The following STARD13 variants were observed in gnomAD, a reference collection of about 807,000 sequenced individuals.
The protein encoded by STARD13 is StAR related lipid transfer domain containing 13.
In STARD13, 62 loss-of-function variants were observed where a neutral mutation model predicts 106.4. The observed-to-expected ratio is 0.58, with a 90% confidence interval of 0.48 to 0.72. The LOEUF (loss-of-function observed/expected upper bound fraction) is 0.72. Ranked by LOEUF, STARD13 falls within the 30% of genes least tolerant of loss-of-function variation. The pLI, the probability that STARD13 is intolerant of heterozygous loss-of-function variation, is 0.00. For synonymous variants in STARD13, 565 were observed against 553.0 expected, an observed-to-expected ratio of 1.02 and a Z score of -0.31; for missense variants, 1,387 against 1,424.0, an observed-to-expected ratio of 0.97 and a Z score of 0.42.
intron 5 of STARD13, 95 bp from the exon 6 acceptor site, chr13:33,127,641 T>C (rs1013486153): frequency 7.8e-6 from 10 of 1,281,660 alleles, no homozygotes; most frequent in Non-Finnish European, 1.0e-5. Context: ...CTAATCAAGA[T>C]AGCAGCCGAG....
downstream of STARD13, among the ~76,000 whole-genome samples, chr13:33,347,181 A>G (rs2078026421): frequency 6.6e-6 from 1 of 152,212 alleles, no homozygotes. Flanking sequence ...GATGAACTGG[A>G]CTGCATATAT....
At chr13:33,240,968 G>T (rs1329036442) in intron 1 of STARD13, among the ~76,000 whole-genome samples, 1 of 152,120 alleles carries the variant, frequency 6.6e-6, no homozygotes. Flanking sequence ...TTTTTTGGTG[G>T]AGTCTTTATT....
chr13:33,330,520 G>C (rs929087897), intron 1 of STARD13, among the ~76,000 whole-genome samples: 2 of 152,122 alleles, frequency 1.3e-5, no homozygotes, highest in African/African-American at 4.8e-5. Context: ...ATTAATAGCT[G>C]TGAGCTCTTT....
At chr13:33,436,403 G>GATA in the STARD13 span, among the ~76,000 whole-genome samples, 1 of 152,118 alleles carries the variant, frequency 6.6e-6, no homozygotes, top group Admixed American at 6.5e-5. Flanking sequence ...TTAAAGAAAT[G>GATA]ATAATACATA....
the STARD13 span, among the ~76,000 whole-genome samples, chr13:33,603,760 C>T: frequency 1.3e-5 from 2 of 151,994 alleles, no homozygotes; most frequent in African/African-American, 4.8e-5. Context: ...TCACTGGATT[C>T]CCATAGTTAA....
chr13:33,281,744 A>G (rs1891796590), intron 1 of STARD13, among the ~76,000 whole-genome samples: 1 of 152,174 alleles, frequency 6.6e-6, no homozygotes, highest in Admixed American at 6.5e-5. Flanking sequence ...TCACTGTATG[A>G]TTTCACTTAT....
intron 1 of STARD13, among the ~76,000 whole-genome samples, chr13:33,302,268 C>A (rs1386284144): frequency 6.6e-6 from 1 of 152,134 alleles, no homozygotes; most frequent in Non-Finnish European, 1.5e-5. Flanking sequence ...TAAATAAATA[C>A]AGAATTTGGG....
the STARD13 span, among the ~76,000 whole-genome samples, chr13:33,574,048 G>C: frequency 6.6e-6 from 1 of 152,162 alleles, no homozygotes; most frequent in Non-Finnish European, 1.5e-5. Context: ...TGATACAGGA[G>C]TGTGACAAAA....
At chr13:33,564,188 C>T in the STARD13 span, among the ~76,000 whole-genome samples, 1 of 108,814 alleles carries the variant, frequency 9.2e-6, no homozygotes, top group African/African-American at 3.8e-5. Context: ...AGCCTGGCAA[C>T]AGACTGCGAC....
the STARD13 span, among the ~76,000 whole-genome samples, chr13:33,531,396 C>T: frequency 2.0e-5 from 3 of 152,160 alleles, no homozygotes; most frequent in Non-Finnish European, 2.9e-5. Context: ...CAATCCATTG[C>T]AATTATTCTT....
the STARD13 span, among the ~76,000 whole-genome samples, chr13:33,602,170 C>T: frequency 6.6e-6 from 1 of 151,104 alleles, no homozygotes; most frequent in Non-Finnish European, 1.5e-5. Context: ...CAGCTCGCTG[C>T]AACCTCTGCC....
At chr13:33,471,015 T>C in the STARD13 span, among the ~76,000 whole-genome samples, 3 of 152,198 alleles carry the variant, frequency 2.0e-5, no homozygotes, top group African/African-American at 7.2e-5. Context: ...ATGTCCTGAA[T>C]GGTAATGCCT....
the STARD13 span, among the ~76,000 whole-genome samples, chr13:33,547,926 A>G: frequency 7.0e-4 from 106 of 152,312 alleles, 1 homozygote; most frequent in African/African-American, 2.2e-3. Flanking sequence ...GGAAGAAGGA[A>G]TACTAGTTAT....
At chr13:33,298,145 T>A (rs1219299364) in intron 1 of STARD13, among the ~76,000 whole-genome samples, 1 of 144,138 alleles carries the variant, frequency 6.9e-6, no homozygotes, top group Admixed American at 7.0e-5. Flanking sequence ...TTTTTTTTTT[T>A]TTGAGATAGA....
the STARD13 span, among the ~76,000 whole-genome samples, chr13:33,456,657 T>G: frequency 6.6e-6 from 1 of 152,206 alleles, no homozygotes. Flanking sequence ...TCTCTTTTTC[T>G]AAGGACATCA....
intron 1 of STARD13, among the ~76,000 whole-genome samples, chr13:33,244,684 G>C (rs1443295917): frequency 6.6e-6 from 1 of 152,110 alleles, no homozygotes; most frequent in East Asian, 1.9e-4. Context: ...TTGGGGATAA[G>C]AGACCACATG....
At chr13:33,458,435 C>T in the STARD13 span, among the ~76,000 whole-genome samples, 1 of 152,046 alleles carries the variant, frequency 6.6e-6, no homozygotes, top group Non-Finnish European at 1.5e-5. Context: ...ACAAACTCAA[C>T]TGCTTAGTGT....
chr13:33,375,156 G>A, the STARD13 span, among the ~76,000 whole-genome samples: 1 of 152,114 alleles, frequency 6.6e-6, no homozygotes, highest in Non-Finnish European at 1.5e-5. Flanking sequence ...CAATAGAATG[G>A]GCAGAGACAG....
At chr13:33,128,595 G>A (rs1344728940) in intron 5 of STARD13, among the ~76,000 whole-genome samples, 1 of 152,200 alleles carries the variant, frequency 6.6e-6, no homozygotes. Context: ...CAGGGGAAGA[G>A]TCGGTGCCTA....
Sources: gnomAD v4.1 joint callset for allele counts (sites outside exome capture counted in the v4.1 genomes callset) on GRCh38, gnomAD v4.1.1 for gene constraint, MANE v1.5 for transcripts, NCBI Gene and HGNC (gene_info 2026-07-23, HGNC 2026-07-21) for gene names.